ANAPC4: variants seen among roughly 807,000 people sequenced by gnomAD.
ANAPC4 encodes the protein anaphase-promoting complex subunit 4.
ANAPC4 carries 63 observed loss-of-function variants against 119.8 expected under a neutral mutation model. The observed-to-expected ratio is 0.53, with a 90% CI of 0.43 to 0.65. The LOEUF (loss-of-function observed/expected upper bound fraction) is 0.65. ANAPC4 is among the 30% of genes least tolerant of loss of function. ANAPC4 has a pLI of 0.00. For missense variants in ANAPC4, 716 were observed against 945.1 expected, an observed-to-expected ratio of 0.76 and a Z score of 3.18; for synonymous variants, 283 against 318.6, an observed-to-expected ratio of 0.89 and a Z score of 1.19.
chr4:25,392,379 T>G lies in ANAPC4; in HGVS notation c.747T>G (p.Thr249=), dbSNP rs1722397055. The change falls in exon 10 of 29, where the codon ACT becomes ACG. Residue 249 remains threonine (T), a synonymous_variant. Transcript: ENST00000315368. ...TGTACTCTTTCTTACCTGAAGTAAC[T>G]CGGATGGCCAGAAAGTTTACTCATA... The part of the protein sequence containing the change: ...NLLYSFLPEV[T]RMARKFTHIS... 2 of 1,613,394 alleles carry G rather than the reference T, an allele frequency of 1.2e-6. No homozygotes were observed. Among genetic ancestry groups the G allele is most frequent in the Admixed American group, 3.3e-5 (2 of 60,014 alleles).
At chr4:25,384,583 T>C (rs1721924954) in intron 4 of ANAPC4, among the ~76,000 whole-genome samples, 1 of 152,136 alleles carries the variant, frequency 6.6e-6, no homozygotes, top group Admixed American at 6.5e-5. Flanking sequence ...ATCCCAGCAC[T>C]TTGGGAGGCC....
At position 25,394,882 on chromosome 4, in the gene ANAPC4, A is replaced by C; in HGVS notation, c.1038A>C (p.Lys346Asn). 1 of 1,613,452 alleles carries C rather than the reference A, an allele frequency of 6.2e-7. No individual in the cohort carries two copies. Among genetic ancestry groups the C allele is most frequent in the Non-Finnish European group, 8.5e-7 (1 of 1,179,764 alleles). ...AGTCATCATACTCCAGTATACAAAA[A>C]TTGGTCATAAGTCATTTACAGAGGT... ...SIESSYSSIQ[K>N]LVISHLQSGS... Residue 346 changes from lysine to asparagine, a missense_variant, in exon 14 of 29, where the codon AAA becomes AAC. By Grantham distance (94) the Lys-to-Asn change is moderately conservative. Coordinates refer to ENST00000315368, the MANE Select transcript of ANAPC4 (RefSeq NM_013367.3).
intron 20 of ANAPC4, among the ~76,000 whole-genome samples, chr4:25,407,941 A>G (rs893920923): frequency 6.6e-6 from 1 of 152,196 alleles, no homozygotes; most frequent in African/African-American, 2.4e-5. Context: ...TTACTATTAC[A>G]TGTTAATATA....
At chr4:25,378,192 C>A (rs940697812) in intron 2 of ANAPC4, among the ~76,000 whole-genome samples, 2 of 152,202 alleles carry the variant, frequency 1.3e-5, no homozygotes, top group Admixed American at 6.5e-5. Flanking sequence ...AAAACTTCAT[C>A]GAGTATAAAC....
chr4:25,378,427 A>T (rs1403119001), intron 2 of ANAPC4, among the ~76,000 whole-genome samples: 3 of 152,150 alleles, frequency 2.0e-5, no homozygotes, highest in Non-Finnish European at 2.9e-5. Context: ...ATTGATGTCT[A>T]ATTTTTCAGG....
chr4:25,397,075 G>C (rs182756114), intron 16 of ANAPC4, among the ~76,000 whole-genome samples, 176 bp downstream of exon 16: 151 of 152,286 alleles, frequency 9.9e-4, no homozygotes, highest in African/African-American at 3.5e-3. Flanking sequence ...AAGTAAAGCT[G>C]TATTTTCCTG....
At chr4:25,407,977 AT>A (rs1450295541) in intron 20 of ANAPC4, among the ~76,000 whole-genome samples, 1 of 152,202 alleles carries the variant, frequency 6.6e-6, no homozygotes, top group Non-Finnish European at 1.5e-5. Context: ...AAATAATGAA[AT>A]TTTACAATAT....
At chr4:25,408,537 AT>A (rs970901675) in intron 20 of ANAPC4, among the ~76,000 whole-genome samples, 16 of 57,116 alleles carry the variant, frequency 2.8e-4, no homozygotes, top group East Asian at 1.2e-3. Flanking sequence ...AAAAAAAAAA[AT>A]TTTTTTTTTT....
Position 25,394,390 on chromosome 4 carries a change from T to A in ANAPC4, c.941+16T>A. 6.4e-7 allele frequency: 1 copy of A among 1,559,584 alleles called. No individual in the cohort carries two copies. The highest frequency in any genetic ancestry group is 8.6e-7 in the Non-Finnish European group (1 of 1,160,732). On this transcript the variant is annotated intron_variant, in intron 12 of 28. Transcript: ENST00000315368. ...GGAAAGCAAGGTAATAAACTCAGATTAGGTGCTCCTGTTTTTGCTTCTTTT... is the reference window on the plus strand; with the variant it reads ...GGAAAGCAAGGTAATAAACTCAGATAAGGTGCTCCTGTTTTTGCTTCTTTT...
At chr4:25,414,059 T>C (rs1723724632) in intron 22 of ANAPC4, 1 of 463,734 alleles carries the variant, frequency 2.2e-6, no homozygotes, top group South Asian at 3.8e-5. Context: ...TGCTTACTAC[T>C]GAAGGATGTG....
At chr4:25,381,184 T>C (rs1721696705) in intron 3 of ANAPC4, among the ~76,000 whole-genome samples, 1 of 152,248 alleles carries the variant, frequency 6.6e-6, no homozygotes, top group Non-Finnish European at 1.5e-5. Flanking sequence ...ATATGTGTTG[T>C]TCTTTGCTTA....
Position 25,406,861 on chromosome 4 carries a change from A to G in ANAPC4, c.1350A>G (p.Glu450=), listed in dbSNP as rs752796449. The part of the protein sequence containing the change: ...MTQKDITFVA[E]FLTEHFNEAP... ...AGAAAGATATCACATTTGTTGCTGA[A>G]TTTCTTACTGAACATTTCAATGAGG... Residue 450 remains glutamate, a synonymous_variant, in exon 19 of 29, where the codon GAA becomes GAG. Transcript: ENST00000315368. The G allele has an allele frequency of 1.2e-6, 2 of 1,603,990 alleles. No homozygotes were observed. Among genetic ancestry groups the G allele is most frequent in the East Asian group, 2.2e-5 (1 of 44,688 alleles).
chr4:25,380,294 AT>A (rs1423350829), intron 2 of ANAPC4, 79 bp from the exon 3 acceptor site: 1 of 1,122,386 alleles, frequency 8.9e-7, no homozygotes, highest in Admixed American at 2.5e-5. Context: ...ATTTAAAAAA[AT>A]TTTTAGTAGG....
intron 27 of ANAPC4, chr4:25,417,399 G>T: frequency 2.8e-6 from 1 of 363,138 alleles, no homozygotes; most frequent in East Asian, 5.3e-5. Context: ...GAGATTCCAG[G>T]CATGAGCCAC....
intron 4 of ANAPC4, among the ~76,000 whole-genome samples, chr4:25,383,895 G>T (rs1482850484): frequency 6.6e-6 from 1 of 152,214 alleles, no homozygotes; most frequent in Non-Finnish European, 1.5e-5. Context: ...GCAGCCGAAG[G>T]TTAAGGTGGC....
chr4:25,392,255 C>T (rs1722389190), intron 9 of ANAPC4, 83 bp from the exon 10 acceptor site: 19 of 936,380 alleles, frequency 2.0e-5, no homozygotes, highest in South Asian at 6.8e-5. Context: ...CTTTCTGATA[C>T]GTAGTTTGAC....
chr4:25,390,785 T>G, intron 8 of ANAPC4, 126 bp from the exon 9 acceptor site: 1 of 661,348 alleles, frequency 1.5e-6, no homozygotes, highest in Non-Finnish European at 2.6e-6. Flanking sequence ...ATCTGCTACA[T>G]GTGTGTGGCT....
intron 20 of ANAPC4, 82 bp downstream of exon 20, chr4:25,407,335 A>C: frequency 9.4e-7 from 1 of 1,068,182 alleles, no homozygotes; most frequent in East Asian, 2.6e-5. Flanking sequence ...TACAATACCA[A>C]GTAATACAGG....
intron 16 of ANAPC4, among the ~76,000 whole-genome samples, chr4:25,399,147 G>T (rs1307418007): frequency 6.6e-6 from 1 of 151,816 alleles, no homozygotes; most frequent in Non-Finnish European, 1.5e-5. Context: ...TTTATATCAG[G>T]TGCCTTTTAC....
Sources: gnomAD v4.1 joint callset for allele counts (sites outside exome capture counted in the v4.1 genomes callset) on GRCh38, gnomAD v4.1.1 for gene constraint, MANE v1.5 for transcripts, NCBI Gene and HGNC (gene_info 2026-07-23, HGNC 2026-07-21) for gene names.